The following NDUFAF7 variants were observed in gnomAD, a reference collection of about 807,000 sequenced individuals.
NDUFAF7 encodes the protein protein arginine methyltransferase NDUFAF7, mitochondrial.
Under a neutral mutation model 47.2 loss-of-function variants are expected in NDUFAF7, and 48 were observed. That is an observed-to-expected ratio of 1.02 (90% CI 0.81 to 1.29). NDUFAF7 has a LOEUF of 1.29. NDUFAF7 is among the 50% of genes most tolerant of loss of function. The pLI is 0.00. For missense variants in NDUFAF7, 635 were observed against 537.6 expected (o/e 1.18, Z -1.79); for synonymous variants, 217 against 190.0 (o/e 1.14, Z -1.17).
intron 1 of NDUFAF7, 168 bp from the exon 2 acceptor site, chr2:37,231,938 A>T (rs888215668): frequency 1.3e-6 from 2 of 1,597,340 alleles, no homozygotes; most frequent in Admixed American, 3.4e-5. Context: ...AGTCGTGGGC[A>T]AGTGGGTGCT....
the NDUFAF7 span, among the ~76,000 whole-genome samples, chr2:37,258,997 T>C: frequency 6.6e-6 from 1 of 152,028 alleles, no homozygotes; most frequent in African/African-American, 2.4e-5. Flanking sequence ...GAATTTGGGT[T>C]ATGATCCATT....
chr2:37,235,142 G>A (rs1388145540), intron 2 of NDUFAF7, among the ~76,000 whole-genome samples: 2 of 152,024 alleles, frequency 1.3e-5, no homozygotes, highest in Non-Finnish European at 2.9e-5. Flanking sequence ...GAGGAGGTCA[G>A]CTAGGTGGCA....
At chr2:37,243,516 G>GTATA (rs1221036126) in intron 6 of NDUFAF7, among the ~76,000 whole-genome samples, 1 of 152,152 alleles carries the variant, frequency 6.6e-6, no homozygotes, top group Non-Finnish European at 1.5e-5. Context: ...TGGTGATAAT[G>GTATA]TATATGTACT....
chr2:37,265,719 T>C, the NDUFAF7 span, among the ~76,000 whole-genome samples: 5 of 152,188 alleles, frequency 3.3e-5, no homozygotes, highest in African/African-American at 9.7e-5. Context: ...ACAACAAAGA[T>C]AGTCTTGTAT....
At chr2:37,235,934 AG>A (rs1665706810) in intron 2 of NDUFAF7, among the ~76,000 whole-genome samples, 161 bp from the exon 3 acceptor site, 1 of 152,192 alleles carries the variant, frequency 6.6e-6, no homozygotes, top group Admixed American at 6.5e-5. Flanking sequence ...CTGGGATTAC[AG>A]GCATGAGCCA....
At chr2:37,270,711 A>T in the NDUFAF7 span, among the ~76,000 whole-genome samples, 4 of 152,206 alleles carry the variant, frequency 2.6e-5, no homozygotes, top group African/African-American at 9.7e-5. Flanking sequence ...GTTGTAATTA[A>T]AATTTTAAGG....
At chr2:37,263,172 T>C in the NDUFAF7 span, among the ~76,000 whole-genome samples, 11 of 152,220 alleles carry the variant, frequency 7.2e-5, no homozygotes, top group Admixed American at 7.2e-4. Flanking sequence ...TTTGAGGTTA[T>C]AAAGCTTTTT....
rs774786706 is a variant in NDUFAF7 at position 37,247,565 on chromosome 2, C to T, written c.1046C>T (p.Ala349Val). 1.5e-5 allele frequency: 25 copies of T among 1,613,974 alleles called. No individual in the cohort carries two copies. Among genetic ancestry groups the T allele is most frequent in the Non-Finnish European group, 2.0e-5 (24 of 1,179,968 alleles). Residue 349 changes from alanine (A) to valine (V), a missense_variant, in exon 9 of 10, where the codon GCC becomes GTC. Physicochemically the swap from Ala to Val is moderately conservative, Grantham distance 64. Coordinates refer to ENST00000002125, the MANE Select transcript of NDUFAF7 (RefSeq NM_144736.5). ...CGAAGAATGGCACAGGGAAAAGTAG[C>T]CTCTCTGGGCCCAATAAAACAACAC... ...YLRRMAQGKV[A>V]SLGPIKQHTF...
chr2:37,261,545 C>T, the NDUFAF7 span, among the ~76,000 whole-genome samples: 1 of 151,894 alleles, frequency 6.6e-6, no homozygotes. Flanking sequence ...TTTTGCGAGG[C>T]CAAGGCAGGC....
chr2:37,264,117 T>C, the NDUFAF7 span, among the ~76,000 whole-genome samples: 1 of 152,182 alleles, frequency 6.6e-6, no homozygotes, highest in Non-Finnish European at 1.5e-5. Context: ...CTCCCCAATT[T>C]TTTTCCTGCT....
chr2:37,270,744 GC>G, the NDUFAF7 span, among the ~76,000 whole-genome samples: 1 of 152,146 alleles, frequency 6.6e-6, no homozygotes, highest in African/African-American at 2.4e-5. Context: ...ATTTTTATAA[GC>G]CTCCCCACTT....
downstream of NDUFAF7, chr2:37,253,350 C>G (rs1475352117): frequency 1.9e-6 from 3 of 1,595,710 alleles, no homozygotes; most frequent in Non-Finnish European, 2.6e-6. Context: ...GTCTGATAGT[C>G]CTAGGAGAAA....
At chr2:37,261,648 C>G in the NDUFAF7 span, among the ~76,000 whole-genome samples, 2 of 151,806 alleles carry the variant, frequency 1.3e-5, no homozygotes, top group Non-Finnish European at 2.9e-5. Context: ...GGTGTGGTGG[C>G]GCAAGCCTGT....
At chr2:37,259,676 A>G in the NDUFAF7 span, 57 of 1,607,676 alleles carry the variant, frequency 3.5e-5, no homozygotes, top group African/African-American at 5.7e-4. Flanking sequence ...TCAAAGCAAC[A>G]AGTATCTGTT....
intron 4 of NDUFAF7, among the ~76,000 whole-genome samples, chr2:37,239,111 T>C (rs1666094586): frequency 1.3e-5 from 2 of 150,424 alleles, no homozygotes; most frequent in South Asian, 4.3e-4. Flanking sequence ...CATCCTTTTT[T>C]CTTTCTCTTT....
At position 37,232,100 on chromosome 2, in the gene NDUFAF7, T is replaced by C; in HGVS notation, c.56-6T>C. ...ATGGGGTCTGTTTAATTTGTGTTTT[T>C]CGCAGCCATTCCTTTTATTTGGAGA... On this transcript the variant is annotated splice_region_variant and splice_polypyrimidine_tract_variant and intron_variant, in intron 1 of 9. Transcript: ENST00000002125. 2 of 1,614,228 alleles carry C rather than the reference T, an allele frequency of 1.2e-6. No homozygotes were observed. Among genetic ancestry groups the C allele is most frequent in the Non-Finnish European group, 1.7e-6 (2 of 1,180,042 alleles).
At chr2:37,259,194 T>G in the NDUFAF7 span, among the ~76,000 whole-genome samples, 641 of 152,296 alleles carry the variant, frequency 4.2e-3, 39 homozygotes, top group East Asian at 0.1. Context: ...ATACTCTACA[T>G]AGAAAAAGGA....
downstream of NDUFAF7, among the ~76,000 whole-genome samples, chr2:37,254,047 T>C (rs1234913361): frequency 6.6e-6 from 1 of 152,240 alleles, no homozygotes; most frequent in African/African-American, 2.4e-5. Flanking sequence ...CCGATCTGAA[T>C]GCTGTATGGT....
chr2:37,234,352 A>G (rs1665524695), intron 2 of NDUFAF7, among the ~76,000 whole-genome samples: 1 of 152,066 alleles, frequency 6.6e-6, no homozygotes, highest in African/African-American at 2.4e-5. Flanking sequence ...TCAGCCTCCT[A>G]AAGTGTTGGG....
Sources: gnomAD v4.1 joint callset for allele counts (sites outside exome capture counted in the v4.1 genomes callset) on GRCh38, gnomAD v4.1.1 for gene constraint, MANE v1.5 for transcripts, NCBI Gene and HGNC (gene_info 2026-07-23, HGNC 2026-07-21) for gene names.